TEX26: variants seen among roughly 807,000 people sequenced by gnomAD.
The protein encoded by TEX26 is testis-expressed protein 26.
In TEX26, 34 loss-of-function variants were observed where a neutral mutation model predicts 35.3. The ratio of observed to expected loss-of-function variants is 0.96; its 90% confidence interval spans 0.73 to 1.28. The LOEUF (loss-of-function observed/expected upper bound fraction) is 1.28, where lower values mean the gene tolerates loss of function less well. Ranked by LOEUF, TEX26 falls within the 50% of genes most tolerant of loss-of-function variation. The pLI, the probability that TEX26 is intolerant of heterozygous loss-of-function variation, is 0.00. For missense variants in TEX26, 371 were observed against 330.1 expected (o/e 1.12, Z -0.96); for synonymous variants, 136 against 111.8 (o/e 1.22, Z -1.36).
At chr13:30,961,273 G>C (rs1954332539) in intron 4 of TEX26, among the ~76,000 whole-genome samples, 1 of 152,194 alleles carries the variant, frequency 6.6e-6, no homozygotes, top group African/African-American at 2.4e-5. Context: ...CTTCTAGTTA[G>C]GAAGGAATAG....
intron 2 of TEX26, among the ~76,000 whole-genome samples, chr13:30,952,330 G>A (rs549067538): frequency 1.4e-4 from 22 of 151,944 alleles, no homozygotes; most frequent in African/African-American, 5.3e-4. Flanking sequence ...TTTCTATAGA[G>A]AGAAGCTTTT....
chr13:30,973,225 G>C (rs1277411760), intron 6 of TEX26: 1 of 152,138 alleles, frequency 6.6e-6, no homozygotes, highest in Non-Finnish European at 1.5e-5. Context: ...TTGATATATA[G>C]AGCAAAACAT....
rs1165171431 is a variant in TEX26, at chr13:30,969,030, GA to G, written c.793del (p.Ser265ValfsTer30). ...TSSQVKEYLQSLSYKDRQIID... is the reference protein window; with the variant it reads ...TSSQVKEYLQXLSYKDRQIID... Reference sequence around the variant, plus strand: ...CCTCTCAAGTCAAAGAGTACCTTCAGAGTCTTTCCTACAAAGGTAAGATGAG... The same window carrying G: ...CCTCTCAAGTCAAAGAGTACCTTCAGGTCTTTCCTACAAAGGTAAGATGAG... On this transcript the variant is annotated frameshift_variant, in exon 6 of 7. Transcript: ENST00000380473. LOFTEE classifies it low-confidence loss of function (END_TRUNC). 1 of 1,613,524 alleles carries G rather than the reference GA, an allele frequency of 6.2e-7. No individual in the cohort carries two copies. Among genetic ancestry groups the G allele is most frequent in the Admixed American group, 1.7e-5 (1 of 59,972 alleles).
intron 4 of TEX26, among the ~76,000 whole-genome samples, chr13:30,963,214 C>A (rs139811711): frequency 6.2e-4 from 94 of 152,194 alleles, no homozygotes; most frequent in African/African-American, 2.1e-3. Flanking sequence ...CTTAAATGGG[C>A]CAGTTTCTTT....
chr13:30,950,198 G>C (rs894247475), intron 2 of TEX26, among the ~76,000 whole-genome samples: 7 of 152,276 alleles, frequency 4.6e-5, no homozygotes, highest in African/African-American at 1.7e-4. Context: ...CTGAGGTCAG[G>C]AGTTCAAGAC....
At chr13:30,939,461 TG>T (rs1298892269) in intron 1 of TEX26, among the ~76,000 whole-genome samples, 1 of 152,228 alleles carries the variant, frequency 6.6e-6, no homozygotes, top group East Asian at 1.9e-4. Context: ...TAAAATAGCA[TG>T]CATGAATGCT....
In TEX26 at chr13:30,940,451, AGCCTCCC is replaced by A. The variant is rs1474112769; in HGVS notation, c.146+675_146+681del. Reference sequence around the variant, plus strand: ...TGGGTTCACGCCATTCTCCTGCCTCAGCCTCCCGAGTAGCTGGGACTACAGGCGCCCG... The same window carrying A: ...TGGGTTCACGCCATTCTCCTGCCTCAGAGTAGCTGGGACTACAGGCGCCCG... On this transcript the variant is annotated intron_variant, in intron 2 of 6. Transcript: ENST00000380473. Among the ~76,000 whole-genome samples, 6 of 144,610 alleles carry A rather than the reference AGCCTCCC, an allele frequency of 4.1e-5. No individual in the cohort carries two copies. In the East Asian group the frequency reaches 1.3e-3, roughly 31 times the overall value. The allele number at this position is 144,610 out of a possible 152,430, so 94.9% of individuals were successfully genotyped here.
At chr13:30,972,300 A>C (rs1954739634) in intron 6 of TEX26, among the ~76,000 whole-genome samples, 1 of 152,226 alleles carries the variant, frequency 6.6e-6, no homozygotes, top group African/African-American at 2.4e-5. Context: ...TTTATACATA[A>C]TAAAGATTGG....
intron 2 of TEX26, among the ~76,000 whole-genome samples, chr13:30,951,945 C>CTT (rs71096306): frequency 0.23 from 28,259 of 122,902 alleles, 3,971 homozygotes; most frequent in East Asian, 0.43. Flanking sequence ...AGAAAGAGAA[C>CTT]TTTTTTTTTT....
intron 4 of TEX26, 118 bp from the exon 5 acceptor site, chr13:30,966,104 T>G: frequency 1.0e-6 from 1 of 1,000,496 alleles, no homozygotes; most frequent in Admixed American, 2.6e-5. Flanking sequence ...GAAAATTATT[T>G]CTCCATTGAA....
chr13:30,968,255 G>C (rs1354619296), intron 5 of TEX26, among the ~76,000 whole-genome samples: 1 of 152,182 alleles, frequency 6.6e-6, no homozygotes, highest in African/African-American at 2.4e-5. Flanking sequence ...GGTTATGGGA[G>C]GGGGAGAAGA....
chr13:30,961,191 T>C (rs1207452090), intron 4 of TEX26, among the ~76,000 whole-genome samples: 1 of 152,218 alleles, frequency 6.6e-6, no homozygotes, highest in African/African-American at 2.4e-5. Context: ...AGCATCTCAC[T>C]CCACTCACCT....
chr13:30,970,162 TGTGTGA>T (rs1338536060), intron 6 of TEX26, among the ~76,000 whole-genome samples: 10 of 80,834 alleles, frequency 1.2e-4, no homozygotes, highest in Admixed American at 1.6e-4. Context: ...GGGAAGGGTG[TGTGTGA>T]GTGTGTGTGT....
intron 6 of TEX26, among the ~76,000 whole-genome samples, chr13:30,972,097 C>T (rs1954731068): frequency 6.6e-6 from 1 of 152,150 alleles, no homozygotes; most frequent in African/African-American, 2.4e-5. Context: ...GTTCTGTAAT[C>T]AAAGTAATCT....
intron 3 of TEX26, 102 bp downstream of exon 3, chr13:30,952,927 C>T (rs1953985881): frequency 1.6e-5 from 16 of 1,010,436 alleles, no homozygotes; most frequent in East Asian, 2.7e-5. Flanking sequence ...TCAGCTTCTA[C>T]AGTCACAGGA....
chr13:30,961,248 T>A (rs759322069), intron 4 of TEX26, among the ~76,000 whole-genome samples: 2 of 152,206 alleles, frequency 1.3e-5, no homozygotes, highest in Non-Finnish European at 2.9e-5. Context: ...TTGGTTCAGT[T>A]TTGCAGAGAA....
intron 2 of TEX26, among the ~76,000 whole-genome samples, chr13:30,941,614 A>G (rs1953515361): frequency 6.6e-6 from 1 of 152,138 alleles, no homozygotes; most frequent in South Asian, 2.1e-4. Flanking sequence ...CATTGTACCC[A>G]ATATGTAATT....
chr13:30,974,131 A>AAAAAAATATATATATATATATATATATAT, intron 6 of TEX26, among the ~76,000 whole-genome samples: 1 of 84,424 alleles, frequency 1.2e-5, no homozygotes, highest in Non-Finnish European at 2.2e-5. Context: ...AAAAAAAAAA[A>AAAAAAATATATATATATATATATATATAT]ATATATATAT....
chr13:30,938,431 T>C (rs1325781612), intron 1 of TEX26, among the ~76,000 whole-genome samples: 2 of 152,124 alleles, frequency 1.3e-5, no homozygotes, highest in Non-Finnish European at 2.9e-5. Flanking sequence ...GGCACTGGCA[T>C]TGGGTGAGGG....
Sources: allele counts gnomAD v4.1 joint callset (sites outside exome capture counted in the v4.1 genomes callset), GRCh38; gene constraint gnomAD v4.1.1; transcripts MANE v1.5; gene names NCBI Gene and HGNC (gene_info 2026-07-23, HGNC 2026-07-21).